The following HCRTR2 variants were observed in gnomAD, a reference collection of about 807,000 sequenced individuals.
HCRTR2 encodes the protein hypocretin receptor 2, also known as orexin receptor type 2.
HCRTR2 carries 22 observed loss-of-function variants against 49.0 expected under a neutral mutation model. The ratio of observed to expected loss-of-function variants is 0.45; its 90% CI spans 0.32 to 0.64. The LOEUF is 0.64. Among genes scored for constraint, HCRTR2 ranks in the 30% least tolerant of loss-of-function variants. The pLI is 0.04. For synonymous variants in HCRTR2, 236 were observed against 205.3 expected (o/e 1.15, Z -1.28); for missense variants, 491 against 559.4 (o/e 0.88, Z 1.23).
intron 1 of HCRTR2, among the ~76,000 whole-genome samples, chr6:55,220,761 GA>G (rs1765874782): frequency 6.6e-6 from 1 of 152,098 alleles, no homozygotes. Flanking sequence ...AAGGAAGAGG[GA>G]AAATTATCTC....
intron 1 of HCRTR2, among the ~76,000 whole-genome samples, chr6:55,195,994 C>A (rs568767038): frequency 5.9e-4 from 89 of 150,102 alleles, no homozygotes; most frequent in African/African-American, 2.1e-3. Context: ...ACAACAACAA[C>A]AACAAAAACA....
At chr6:55,271,183 C>G (rs75618829) in intron 4 of HCRTR2, among the ~76,000 whole-genome samples, 4,140 of 152,124 alleles carry the variant, frequency 0.027, 209 homozygotes, top group African/African-American at 0.092. Flanking sequence ...TGTGGTACTT[C>G]CATACAGTTA....
intron 3 of HCRTR2, among the ~76,000 whole-genome samples, chr6:55,258,734 T>G (rs958404429): frequency 2.6e-5 from 4 of 152,194 alleles, no homozygotes. Flanking sequence ...TGTAAATGCA[T>G]AGTTCTACAG....
chr6:55,189,538 G>A (rs1396624762), intron 1 of HCRTR2, among the ~76,000 whole-genome samples: 2 of 152,130 alleles, frequency 1.3e-5, no homozygotes, highest in East Asian at 3.9e-4. Context: ...ACTAACATGG[G>A]AACATAAAAC....
chr6:55,162,427 C>G (rs1764819517), intron 1 of HCRTR2, among the ~76,000 whole-genome samples: 1 of 152,118 alleles, frequency 6.6e-6, no homozygotes, highest in African/African-American at 2.4e-5. Context: ...AAAACTGGCA[C>G]AAGACAAGGA....
At chr6:55,262,367 T>TTA (rs1396465690) in intron 3 of HCRTR2, among the ~76,000 whole-genome samples, 1 of 139,418 alleles carries the variant, frequency 7.2e-6, no homozygotes, top group Non-Finnish European at 1.5e-5. Context: ...ATATAATGTA[T>TTA]TATAGTTATA....
At chr6:55,225,191 T>A (rs1205905993) in intron 1 of HCRTR2, among the ~76,000 whole-genome samples, 4 of 152,178 alleles carry the variant, frequency 2.6e-5, no homozygotes, top group African/African-American at 9.7e-5. Context: ...AATTAGGAAT[T>A]AAGGTACAAA....
chr6:55,176,351 G>A (rs960747659), intron 1 of HCRTR2, among the ~76,000 whole-genome samples: 3 of 152,180 alleles, frequency 2.0e-5, no homozygotes, highest in African/African-American at 7.2e-5. Flanking sequence ...TGAAACAAAA[G>A]TGGAAATACA....
chr6:55,228,057 G>A (rs1766043746), intron 1 of HCRTR2, among the ~76,000 whole-genome samples: 1 of 152,068 alleles, frequency 6.6e-6, no homozygotes, highest in Non-Finnish European at 1.5e-5. Context: ...AGTCAATTAA[G>A]ACTTATACAA....
At chr6:55,142,352 A>T (rs995686449) in intron 1 of HCRTR2, among the ~76,000 whole-genome samples, 6 of 133,140 alleles carry the variant, frequency 4.5e-5, no homozygotes, top group Non-Finnish European at 9.4e-5. Flanking sequence ...ACCCGCCACC[A>T]CGCCCTGTTA....
intron 3 of HCRTR2, among the ~76,000 whole-genome samples, chr6:55,257,222 G>A (rs990218546): frequency 6.6e-6 from 1 of 151,946 alleles, no homozygotes; most frequent in Non-Finnish European, 1.5e-5. Flanking sequence ...TCTCTTATAC[G>A]ATCCTTTTAC....
upstream of HCRTR2, among the ~76,000 whole-genome samples, chr6:55,172,112 G>T (rs1361571932): frequency 1.3e-5 from 2 of 152,144 alleles, no homozygotes; most frequent in Non-Finnish European, 2.9e-5. Context: ...CAAATTTACT[G>T]GTGACAACAG....
At chr6:55,114,089 C>T (rs1037633293) in intron 1 of HCRTR2, among the ~76,000 whole-genome samples, 38 of 151,500 alleles carry the variant, frequency 2.5e-4, no homozygotes, top group Admixed American at 4.0e-4. Flanking sequence ...AATGCAAAGG[C>T]ATAAGAATGA....
chr6:55,261,226 T>C (rs1292563294), intron 3 of HCRTR2, among the ~76,000 whole-genome samples: 4 of 151,992 alleles, frequency 2.6e-5, no homozygotes, highest in African/African-American at 9.7e-5. Context: ...TACAGGGAAC[T>C]CAAACAAATC....
chr6:55,227,612 A>C (rs2127298634), intron 1 of HCRTR2, among the ~76,000 whole-genome samples: 1 of 152,300 alleles, frequency 6.6e-6, no homozygotes, highest in Non-Finnish European at 1.5e-5. Context: ...ATGTTCATCT[A>C]ATTGTTTCCT....
chr6:55,174,044 A>G (rs1184597975), upstream of HCRTR2, among the ~76,000 whole-genome samples: 2 of 152,084 alleles, frequency 1.3e-5, no homozygotes, highest in African/African-American at 4.8e-5. Flanking sequence ...TTGTATGTTG[A>G]CATTTTTGTC....
At chr6:55,250,409 C>T (rs1004114639) in intron 2 of HCRTR2, among the ~76,000 whole-genome samples, 1 of 152,038 alleles carries the variant, frequency 6.6e-6, no homozygotes, top group Admixed American at 6.6e-5. Context: ...TCCAGAAAGC[C>T]TTTTACCTCT....
chr6:55,166,214 G>C (rs989984793), intron 1 of HCRTR2, among the ~76,000 whole-genome samples: 13 of 151,838 alleles, frequency 8.6e-5, no homozygotes, highest in Non-Finnish European at 1.5e-5. Context: ...ATGTTTTTTG[G>C]ATTCACTTTG....
intron 1 of HCRTR2, among the ~76,000 whole-genome samples, chr6:55,157,511 G>A (rs561247135): frequency 6.6e-6 from 1 of 152,326 alleles, no homozygotes; most frequent in African/African-American, 2.4e-5. Flanking sequence ...CCTGCTGATT[G>A]TAGAAGCCTA....
Sources: gnomAD v4.1 joint callset for allele counts (sites outside exome capture counted in the v4.1 genomes callset) on GRCh38, gnomAD v4.1.1 for gene constraint, MANE v1.5 for transcripts, NCBI Gene and HGNC (gene_info 2026-07-23, HGNC 2026-07-21) for gene names.